FARS2: variants seen among roughly 807,000 people sequenced by gnomAD.
FARS2 encodes phenylalanyl-tRNA synthetase 2, mitochondrial, also known as phenylalanine--tRNA ligase, mitochondrial.
In FARS2, 40 loss-of-function variants were observed where a neutral mutation model predicts 46.4. That is an observed-to-expected ratio of 0.86 (90% CI 0.67 to 1.12). The LOEUF is 1.12. FARS2 is among the 50% of genes most tolerant of loss of function. The probability of loss-of-function intolerance (pLI) is 0.00; values close to 1 mark genes in which losing one functional copy is unlikely to be tolerated. For synonymous variants in FARS2, 234 were observed against 214.9 expected (o/e 1.09, Z -0.78); for missense variants, 513 against 567.9 (o/e 0.90, Z 0.98).
upstream of FARS2, among the ~76,000 whole-genome samples, chr6:5,260,139 C>T (rs772226869): frequency 7.9e-5 from 12 of 152,138 alleles, no homozygotes; most frequent in Non-Finnish European, 1.2e-4. Flanking sequence ...CCACCATACC[C>T]TAAATAGAAT....
At chr6:5,770,528 C>G (rs1015109924) in intron 6 of FARS2, among the ~76,000 whole-genome samples, 2 of 152,160 alleles carry the variant, frequency 1.3e-5, no homozygotes, top group Non-Finnish European at 2.9e-5. Context: ...AGACACCCAG[C>G]CACACAGCCA....
At chr6:5,624,619 C>T (rs1775939826) in intron 6 of FARS2, among the ~76,000 whole-genome samples, 3 of 152,192 alleles carry the variant, frequency 2.0e-5, no homozygotes, top group Admixed American at 6.5e-5. Context: ...ATTGTCTTCC[C>T]TTGGCATCCT....
chr6:5,392,259 T>C (rs944949058), intron 2 of FARS2, among the ~76,000 whole-genome samples: 2 of 152,196 alleles, frequency 1.3e-5, no homozygotes, highest in Non-Finnish European at 2.9e-5. Context: ...TCCAGTGTTA[T>C]ATTTCCATTA....
intron 4 of FARS2, among the ~76,000 whole-genome samples, chr6:5,491,638 T>A (rs560935273): frequency 2.5e-3 from 379 of 152,320 alleles, no homozygotes; most frequent in Non-Finnish European, 4.4e-3. Context: ...TATGAGCGTT[T>A]CTTCTTCTGC....
intron 3 of FARS2, among the ~76,000 whole-genome samples, chr6:5,429,468 A>C (rs913892634): frequency 6.6e-6 from 1 of 152,170 alleles, no homozygotes; most frequent in African/African-American, 2.4e-5. Context: ...GACTCTCAAA[A>C]TATCTTTTTT....
At chr6:5,319,794 C>T (rs1468935782) in intron 1 of FARS2, among the ~76,000 whole-genome samples, 1 of 152,086 alleles carries the variant, frequency 6.6e-6, no homozygotes, top group African/African-American at 2.4e-5. Context: ...TGACTTGGAT[C>T]AGCTTAAAGG....
chr6:5,548,433 A>G (rs1298047324), intron 5 of FARS2, among the ~76,000 whole-genome samples: 1 of 152,226 alleles, frequency 6.6e-6, no homozygotes, highest in Non-Finnish European at 1.5e-5. Context: ...AAAAACTTCT[A>G]CTTGAATAAT....
At chr6:5,360,740 T>A (rs995907040) in intron 1 of FARS2, among the ~76,000 whole-genome samples, 5 of 152,186 alleles carry the variant, frequency 3.3e-5, no homozygotes, top group Non-Finnish European at 4.4e-5. Flanking sequence ...CTTTAAAAAA[T>A]TTTATCCTCC....
chr6:5,593,254 A>T (rs1371831705), intron 5 of FARS2, among the ~76,000 whole-genome samples: 1 of 151,996 alleles, frequency 6.6e-6, no homozygotes, highest in Admixed American at 6.5e-5. Flanking sequence ...GTCTCTTGGA[A>T]GGTTACCCCT....
chr6:5,595,769 C>A (rs753186498), intron 5 of FARS2, among the ~76,000 whole-genome samples: 1 of 152,096 alleles, frequency 6.6e-6, no homozygotes, highest in Admixed American at 6.5e-5. Context: ...CGCTTACCGA[C>A]GCTGACACCT....
chr6:5,403,956 ATTATT>A (rs1761408711), intron 2 of FARS2, among the ~76,000 whole-genome samples: 1 of 152,164 alleles, frequency 6.6e-6, no homozygotes. Flanking sequence ...TTTTTTATAT[ATTATT>A]TTGTTTGTAA....
At position 5,771,496 on chromosome 6, in the gene FARS2, T is replaced by A; in HGVS notation, c.*67T>A. The A allele has an allele frequency of 6.5e-7, 1 of 1,530,088 alleles. No individual in the cohort carries two copies. The highest frequency in any genetic ancestry group is 1.2e-5 in the South Asian group (1 of 80,572). 94.8% of individuals were successfully genotyped at this position (1,530,088 alleles called of 1,614,324 possible). A position where few individuals can be genotyped will look rare whatever the true frequency, so the allele number is the denominator to read the frequency against. ...GGATTTGCTGAAAGAGAAAAAGATATGGTTTGTGAACTGGGGCATCAATCA... is the reference window on the plus strand; with the variant it reads ...GGATTTGCTGAAAGAGAAAAAGATAAGGTTTGTGAACTGGGGCATCAATCA... On this transcript the variant is annotated 3_prime_UTR_variant, in exon 7 of 7. Coordinates refer to ENST00000274680, the MANE Select transcript of FARS2 (RefSeq NM_006567.5).
rs1039644607 is a variant in FARS2 at position 5,607,717 on chromosome 6, A to G, written c.1066-5452A>G. 3.9e-5 allele frequency among the ~76,000 whole-genome samples: 6 copies of G among 152,140 alleles called. No homozygotes were observed. The East Asian group carries it at 1.2e-3, about 29-fold the overall frequency. On this transcript the variant is annotated intron_variant, in intron 5 of 6. Transcript: ENST00000274680. ...CGCCTGGCCAATGGTGTAAATAACC[A>G]TGACGCGTTTATACTAGTCTTGATT... is the stretch of plus-strand genomic sequence containing the variant.
chr6:5,744,972 C>A (rs997244047), intron 6 of FARS2, among the ~76,000 whole-genome samples: 30 of 152,186 alleles, frequency 2.0e-4, no homozygotes, highest in African/African-American at 6.8e-4. Context: ...CTAGTCACGA[C>A]CTTACCTGTA....
intron 4 of FARS2, among the ~76,000 whole-genome samples, chr6:5,468,314 G>A (rs1400740156): frequency 2.0e-5 from 3 of 149,304 alleles, no homozygotes; most frequent in Admixed American, 6.7e-5. Context: ...AGATTTCAGA[G>A]CATGCCAATT....
intron 4 of FARS2, among the ~76,000 whole-genome samples, chr6:5,536,721 A>C (rs1770226747): frequency 6.6e-6 from 1 of 152,214 alleles, no homozygotes. Flanking sequence ...TGTCTCCAAA[A>C]GGTTAAATAG....
At chr6:5,576,833 CA>C (rs975979139) in intron 5 of FARS2, among the ~76,000 whole-genome samples, 37 of 151,616 alleles carry the variant, frequency 2.4e-4, no homozygotes, top group Admixed American at 5.3e-4. Flanking sequence ...TCCTTACTAT[CA>C]TTTTTTTTTA....
intron 6 of FARS2, among the ~76,000 whole-genome samples, chr6:5,628,857 C>T (rs1776158224): frequency 6.6e-6 from 1 of 152,216 alleles, no homozygotes; most frequent in Non-Finnish European, 1.5e-5. Context: ...GTTTGATGTG[C>T]ACTGCCATCA....
chr6:5,387,204 G>A (rs1238326435), intron 2 of FARS2, among the ~76,000 whole-genome samples: 3 of 152,152 alleles, frequency 2.0e-5, no homozygotes, highest in Middle Eastern at 3.2e-3. Flanking sequence ...GAGATTACTG[G>A]TACAAGAGAG....
Sources: allele counts gnomAD v4.1 joint callset (sites outside exome capture counted in the v4.1 genomes callset), GRCh38; gene constraint gnomAD v4.1.1; transcripts MANE v1.5; gene names NCBI Gene and HGNC (gene_info 2026-07-23, HGNC 2026-07-21).